The following FBLN5 variants were observed in gnomAD, a reference collection of about 807,000 sequenced individuals.
The protein encoded by FBLN5 is fibulin-5.
Under a neutral mutation model 61.6 loss-of-function variants are expected in FBLN5, and 24 were observed. That is an observed-to-expected ratio of 0.39 (90% CI 0.28 to 0.55). The LOEUF is 0.55. Ranked by LOEUF, FBLN5 falls within the 20% of genes least tolerant of loss-of-function variation. The probability of loss-of-function intolerance (pLI) is 0.65; values close to 1 mark genes in which losing one functional copy is unlikely to be tolerated. For missense variants in FBLN5, 470 were observed against 594.1 expected (o/e 0.79, Z 2.17); for synonymous variants, 213 against 219.8 (o/e 0.97, Z 0.27).
At chr14:91,939,206 A>G (rs1441711879) in intron 3 of FBLN5, among the ~76,000 whole-genome samples, 1 of 152,228 alleles carries the variant, frequency 6.6e-6, no homozygotes, top group East Asian at 1.9e-4. Flanking sequence ...CTCTGTCAAC[A>G]ACAAACTATT....
chr14:91,928,865 T>C (rs1417768406), intron 4 of FBLN5, among the ~76,000 whole-genome samples: 1 of 151,874 alleles, frequency 6.6e-6, no homozygotes, highest in Non-Finnish European at 1.5e-5. Flanking sequence ...GAGACCATCC[T>C]GGCTAACACT....
intron 10 of FBLN5, among the ~76,000 whole-genome samples, chr14:91,872,136 G>A (rs781178183): frequency 5.3e-5 from 8 of 152,138 alleles, no homozygotes; most frequent in African/African-American, 2.4e-5. Flanking sequence ...TTACTTCCCC[G>A]TTTTATAAGT....
intron 4 of FBLN5, among the ~76,000 whole-genome samples, chr14:91,924,739 T>A (rs1270007630): frequency 1.3e-5 from 2 of 152,138 alleles, no homozygotes; most frequent in East Asian, 3.9e-4. Context: ...TAATCACAAA[T>A]GTGTATTTAT....
chr14:91,912,077 T>C (rs1202534437), intron 4 of FBLN5, among the ~76,000 whole-genome samples: 1 of 152,276 alleles, frequency 6.6e-6, no homozygotes, highest in Non-Finnish European at 1.5e-5. Flanking sequence ...TTATAAATGT[T>C]GTTGTACTAT....
At chr14:91,892,656 G>T (rs1890043033) in intron 5 of FBLN5, among the ~76,000 whole-genome samples, 2 of 152,200 alleles carry the variant, frequency 1.3e-5, no homozygotes, top group African/African-American at 4.8e-5. Flanking sequence ...CTTCTTCCCA[G>T]AGTGCAGTTG....
chr14:91,929,718 C>T (rs188520094), intron 4 of FBLN5, among the ~76,000 whole-genome samples: 3 of 152,332 alleles, frequency 2.0e-5, no homozygotes, highest in Admixed American at 1.3e-4. Flanking sequence ...AACCTTCTAC[C>T]TTTCTTTAAA....
chr14:91,926,616 C>G (rs924650184), intron 4 of FBLN5, among the ~76,000 whole-genome samples: 4 of 152,140 alleles, frequency 2.6e-5, no homozygotes, highest in Non-Finnish European at 5.9e-5. Context: ...CTTCTTCTCC[C>G]TCCCCAACTA....
intron 4 of FBLN5, among the ~76,000 whole-genome samples, chr14:91,918,742 C>G (rs144570936): frequency 6.6e-6 from 1 of 152,334 alleles, no homozygotes; most frequent in Non-Finnish European, 1.5e-5. Flanking sequence ...CTTTCTTGGA[C>G]AGCTGACCTA....
At chr14:91,924,154 CA>C (rs1174112714) in intron 4 of FBLN5, among the ~76,000 whole-genome samples, 3 of 152,156 alleles carry the variant, frequency 2.0e-5, no homozygotes, top group Non-Finnish European at 4.4e-5. Flanking sequence ...GGTCTGATTG[CA>C]AAAATTTTAA....
intron 4 of FBLN5, among the ~76,000 whole-genome samples, chr14:91,909,236 A>T (rs553687423): frequency 1.3e-5 from 2 of 152,204 alleles, no homozygotes; most frequent in South Asian, 4.2e-4. Context: ...TACTTTTACC[A>T]ACATCAAGCT....
At chr14:91,871,360 C>T (rs1403516180) in intron 10 of FBLN5, among the ~76,000 whole-genome samples, 1 of 152,086 alleles carries the variant, frequency 6.6e-6, no homozygotes, top group Non-Finnish European at 1.5e-5. Context: ...AAGAACCCCC[C>T]TCTAGGCACC....
intron 7 of FBLN5, among the ~76,000 whole-genome samples, chr14:91,883,820 T>C (rs374453772): frequency 6.6e-6 from 1 of 152,158 alleles, no homozygotes; most frequent in South Asian, 2.1e-4. Context: ...CCAGCCAGCC[T>C]GACGTGGAGG....
At chr14:91,906,958 T>A (rs1890710566) in intron 4 of FBLN5, among the ~76,000 whole-genome samples, 1 of 152,160 alleles carries the variant, frequency 6.6e-6, no homozygotes, top group Non-Finnish European at 1.5e-5. Flanking sequence ...TAATCCCAAC[T>A]CAGGATGGTG....
chr14:91,891,505 C>T (rs1011548849), intron 5 of FBLN5, among the ~76,000 whole-genome samples, 168 bp from the exon 6 acceptor site: 5 of 152,172 alleles, frequency 3.3e-5, no homozygotes, highest in Non-Finnish European at 7.3e-5. Flanking sequence ...GATGCTGTCT[C>T]GAATACAAGG....
intron 4 of FBLN5, among the ~76,000 whole-genome samples, chr14:91,919,205 C>T (rs111821463): frequency 6.6e-6 from 1 of 151,406 alleles, no homozygotes; most frequent in Non-Finnish European, 1.5e-5. Context: ...GTGGCATGCA[C>T]CTGTAATCCC....
chr14:91,898,067 A>T lies in FBLN5; in HGVS notation c.380-2995T>A, dbSNP rs181230761. Among the ~76,000 whole-genome samples, 5 of 152,192 alleles carry T rather than the reference A, an allele frequency of 3.3e-5. No individual in the cohort carries two copies. In the East Asian group the frequency reaches 9.6e-4, roughly 29 times the overall value. ...CCCATCTCAAAAAATAAAAGAATTAACTCAGTTATACGACACTTTTGTATT... is the reference window on the plus strand; with the variant it reads ...CCCATCTCAAAAAATAAAAGAATTATCTCAGTTATACGACACTTTTGTATT... On this transcript the variant is annotated intron_variant, in intron 4 of 10. Coordinates refer to ENST00000342058, the MANE Select transcript of FBLN5 (RefSeq NM_006329.4).
intron 4 of FBLN5, among the ~76,000 whole-genome samples, chr14:91,928,693 G>A (rs757898528): frequency 1.3e-5 from 2 of 149,114 alleles, no homozygotes; most frequent in South Asian, 4.3e-4. Flanking sequence ...GGTCACTTAT[G>A]CCTGGGAGGT....
chr14:91,934,973 C>CTG (rs1221199811), intron 4 of FBLN5, among the ~76,000 whole-genome samples: 1 of 152,168 alleles, frequency 6.6e-6, no homozygotes, highest in African/African-American at 2.4e-5. Context: ...TTTGAAAGCC[C>CTG]TGTGTAAAAC....
intron 4 of FBLN5, among the ~76,000 whole-genome samples, chr14:91,928,318 G>A (rs940681655): frequency 2.0e-5 from 3 of 152,174 alleles, no homozygotes; most frequent in Non-Finnish European, 4.4e-5. Flanking sequence ...TCAGAACCAG[G>A]GAATTTAAAC....
Sources: gnomAD v4.1 joint callset for allele counts (sites outside exome capture counted in the v4.1 genomes callset) on GRCh38, gnomAD v4.1.1 for gene constraint, MANE v1.5 for transcripts, NCBI Gene and HGNC (gene_info 2026-07-23, HGNC 2026-07-21) for gene names.